Variants in TMTC1 observed in about 807,000 individuals in gnomAD.
TMTC1 encodes transmembrane O-mannosyltransferase targeting cadherins 1, also known as protein O-mannosyl-transferase TMTC1.
A neutral mutation model predicts 104.8 loss-of-function variants in TMTC1; 73 were observed. The ratio of observed to expected loss-of-function variants is 0.70; its 90% CI spans 0.58 to 0.85. The LOEUF is 0.85. Among genes scored for constraint, TMTC1 ranks in the 40% least tolerant of loss-of-function variants. The pLI is 0.00. For missense variants in TMTC1, 1,035 were observed against 1,096.1 expected (o/e 0.94, Z 0.79); for synonymous variants, 434 against 428.7 (o/e 1.01, Z -0.15).
intron 8 of TMTC1, among the ~76,000 whole-genome samples, chr12:29,582,383 A>C (rs1156442970): frequency 2.6e-5 from 4 of 152,198 alleles, no homozygotes; most frequent in Non-Finnish European, 1.5e-5. Flanking sequence ...CATGGAACTC[A>C]GAGGAGGCTT....
At chr12:29,525,136 T>C (rs1944298878) in intron 11 of TMTC1, among the ~76,000 whole-genome samples, 1 of 147,560 alleles carries the variant, frequency 6.8e-6, no homozygotes, top group African/African-American at 2.5e-5. Context: ...AGTTTTGCTG[T>C]AGTGTGGGTG....
chr12:29,685,525 T>C (rs891850516), intron 5 of TMTC1, among the ~76,000 whole-genome samples: 3 of 152,096 alleles, frequency 2.0e-5, no homozygotes, highest in Non-Finnish European at 4.4e-5. Context: ...CAATATCTCA[T>C]TCTATATACC....
intron 6 of TMTC1, among the ~76,000 whole-genome samples, chr12:29,614,158 A>T (rs1591807696): frequency 6.6e-6 from 1 of 152,306 alleles, no homozygotes; most frequent in South Asian, 2.1e-4. Context: ...GAAGTGTAGT[A>T]ACTCTTAAGA....
intron 11 of TMTC1, among the ~76,000 whole-genome samples, chr12:29,525,861 G>A (rs1398278397): frequency 1.3e-5 from 2 of 152,114 alleles, no homozygotes; most frequent in African/African-American, 4.8e-5. Flanking sequence ...TACCTTATTT[G>A]TTTTACAACT....
intron 6 of TMTC1, among the ~76,000 whole-genome samples, chr12:29,619,896 T>C (rs1947085441): frequency 6.6e-6 from 1 of 152,170 alleles, no homozygotes; most frequent in African/African-American, 2.4e-5. Flanking sequence ...TATTACCTCT[T>C]ATGTCAAGAA....
chr12:29,535,501 C>G (rs1471022415), intron 11 of TMTC1: 2 of 152,212 alleles, frequency 1.3e-5, no homozygotes, highest in Non-Finnish European at 2.9e-5. Context: ...CTTAAGCCAA[C>G]TGAATGCTGC....
intron 9 of TMTC1, 30 bp from the exon 10 acceptor site, chr12:29,557,030 G>T: frequency 1.2e-6 from 2 of 1,609,494 alleles, no homozygotes; most frequent in South Asian, 2.2e-5. Flanking sequence ...AAGCTGTGAT[G>T]GTTCAAAAAC....
chr12:29,728,781 G>A (rs1451152178), intron 5 of TMTC1, among the ~76,000 whole-genome samples: 4 of 151,328 alleles, frequency 2.6e-5, no homozygotes, highest in African/African-American at 7.3e-5. Context: ...GGTGGATCAC[G>A]AGGTCAGGAG....
At position 29,522,654 on chromosome 12, in the gene TMTC1, G is replaced by GGGTGTA. The variant is rs1248240595; in HGVS notation, c.1786-1940_1786-1935dup. Reference sequence around the variant, plus strand: ...AAATTAACATCTAGAGAGTACCATAGGGTGTATATTCATGTATCCATTCAT... The same window carrying GGGTGTA: ...AAATTAACATCTAGAGAGTACCATAGGGTGTAGGTGTATATTCATGTATCCATTCAT... On this transcript the variant is annotated intron_variant, in intron 11 of 17. Coordinates refer to ENST00000539277, the MANE Select transcript of TMTC1 (RefSeq NM_001193451.2). Among the ~76,000 whole-genome samples the GGGTGTA allele has an allele frequency of 2.0e-5, 3 of 151,990 alleles. No homozygotes were observed. The East Asian group carries it at 5.8e-4, about 29-fold the overall frequency.
intron 11 of TMTC1, chr12:29,533,873 C>T (rs947954437): frequency 6.6e-6 from 1 of 152,144 alleles, no homozygotes; most frequent in Non-Finnish European, 1.5e-5. Context: ...ATCCTTTCAT[C>T]CAGCTTCTGA....
intron 9 of TMTC1, among the ~76,000 whole-genome samples, chr12:29,564,921 T>C (rs1022854805): frequency 3.3e-5 from 5 of 151,796 alleles, no homozygotes; most frequent in Non-Finnish European, 7.4e-5. Context: ...AACTGGAAAT[T>C]ATGGAACCTT....
At chr12:29,773,632 T>A (rs1246983489) in intron 1 of TMTC1, among the ~76,000 whole-genome samples, 1 of 151,682 alleles carries the variant, frequency 6.6e-6, no homozygotes. Context: ...GAAGCTGGAG[T>A]TTTCCTGGAA....
intron 5 of TMTC1, among the ~76,000 whole-genome samples, chr12:29,673,744 CTTTTTTTTTTTTTT>C (rs146463669): frequency 3.1e-5 from 3 of 95,734 alleles, no homozygotes; most frequent in East Asian, 3.6e-4. Flanking sequence ...AGAGGGACTT[CTTTTTTTTTTTTTT>C]TTTTTTTTTT....
chr12:29,608,379 A>G (rs1441904525), intron 6 of TMTC1, among the ~76,000 whole-genome samples: 1 of 152,230 alleles, frequency 6.6e-6, no homozygotes. Flanking sequence ...TCCAAAGTAC[A>G]CATGGTCATT....
intron 7 of TMTC1, among the ~76,000 whole-genome samples, chr12:29,588,674 A>G (rs1238766520): frequency 6.6e-6 from 1 of 152,214 alleles, no homozygotes; most frequent in Non-Finnish European, 1.5e-5. Context: ...GTACATGGTG[A>G]TACATTACAT....
chr12:29,703,020 T>C (rs571317890), intron 5 of TMTC1, among the ~76,000 whole-genome samples: 1 of 151,914 alleles, frequency 6.6e-6, no homozygotes, highest in Non-Finnish European at 1.5e-5. Flanking sequence ...GGCGCGTGCC[T>C]ATAATCCCAG....
intron 5 of TMTC1, among the ~76,000 whole-genome samples, chr12:29,713,005 G>C (rs1331030001): frequency 6.6e-6 from 1 of 152,040 alleles, no homozygotes; most frequent in African/African-American, 2.4e-5. Context: ...CTAACATTTA[G>C]ATCAGTAGAT....
Position 29,783,124 on chromosome 12 carries a change from C to T in TMTC1, c.302+326G>A, listed in dbSNP as rs1239079678. ...CGCGCTAGTCCCACTTGGTCACGAT[C>T]CGGCAGGCGAAGGGGTGCGGAGGCG... On this transcript the variant is annotated intron_variant, in intron 1 of 17. Transcript: ENST00000539277. The surrounding 1 kb of genome is among the most constrained non-coding windows in gnomAD (Gnocchi z 4.7). 3.4e-6 allele frequency: 1 copy of T among 293,168 alleles called. No individual in the cohort carries two copies. The highest frequency in any genetic ancestry group is 2.2e-5 in the African/African-American group (1 of 46,424). 18.2% of individuals were successfully genotyped at this position (293,168 alleles called of 1,614,324 possible).
At chr12:29,536,143 T>C in intron 11 of TMTC1, 66 bp downstream of exon 11, 1 of 1,056,572 alleles carries the variant, frequency 9.5e-7, no homozygotes, top group Non-Finnish European at 1.5e-6. Flanking sequence ...AGTACAAAAA[T>C]CTGTGTAACA....
Sources: gnomAD v4.1 joint callset for allele counts (sites outside exome capture counted in the v4.1 genomes callset) on GRCh38, gnomAD v4.1.1 for gene constraint, Gnocchi (gnomAD v3.1) non-coding constraint, MANE v1.5 for transcripts, NCBI Gene and HGNC (gene_info 2026-07-23, HGNC 2026-07-21) for gene names.